NT5DC1: variants seen among roughly 807,000 people sequenced by gnomAD.
NT5DC1 encodes the protein 5'-nucleotidase domain containing 1.
Under a neutral mutation model 59.4 loss-of-function variants are expected in NT5DC1, and 42 were observed. That is an observed-to-expected ratio of 0.71 (90% CI 0.55 to 0.92). NT5DC1 has a LOEUF of 0.92. Ranked by LOEUF, NT5DC1 falls within the 40% of genes least tolerant of loss-of-function variation. The pLI is 0.00. For synonymous variants in NT5DC1, 172 were observed against 188.1 expected, an observed-to-expected ratio of 0.91 and a Z score of 0.70; for missense variants, 501 against 537.1, an observed-to-expected ratio of 0.93 and a Z score of 0.66.
intron 6 of NT5DC1, among the ~76,000 whole-genome samples, chr6:116,127,303 T>C (rs1476377512): frequency 6.6e-6 from 1 of 152,192 alleles, no homozygotes; most frequent in Non-Finnish European, 1.5e-5. Flanking sequence ...AAACAAAGCC[T>C]TGTATAGCCC....
At chr6:116,239,374 A>G (rs182292442) in intron 11 of NT5DC1, among the ~76,000 whole-genome samples, 55 of 152,130 alleles carry the variant, frequency 3.6e-4, no homozygotes, top group African/African-American at 1.3e-3. Context: ...TACCAGGACA[A>G]GCTGCTGAGG....
intron 6 of NT5DC1, among the ~76,000 whole-genome samples, chr6:116,212,583 A>G (rs1048837374): frequency 6.6e-6 from 1 of 152,174 alleles, no homozygotes; most frequent in Non-Finnish European, 1.5e-5. Context: ...AATTAAGGAA[A>G]CAGTGCACTC....
chr6:116,206,045 A>AGGTTCT (rs1291084955), intron 6 of NT5DC1, among the ~76,000 whole-genome samples: 2 of 151,950 alleles, frequency 1.3e-5, no homozygotes, highest in African/African-American at 4.8e-5. Context: ...TCCTGGAAGT[A>AGGTTCT]ACAAAAAGTA....
intron 6 of NT5DC1, chr6:116,121,496 G>T: frequency 6.2e-7 from 1 of 1,614,120 alleles, no homozygotes; most frequent in South Asian, 1.1e-5. Context: ...GGGACCCTGA[G>T]GGCCTGGAAG....
At chr6:116,162,335 G>A (rs1190971619) in intron 6 of NT5DC1, among the ~76,000 whole-genome samples, 2 of 152,164 alleles carry the variant, frequency 1.3e-5, no homozygotes, top group African/African-American at 2.4e-5. Flanking sequence ...TGGTGAAAGT[G>A]CACATCCTTG....
At position 116,244,208 on chromosome 6, in the gene NT5DC1, C is replaced by T; in HGVS notation, c.*184C>T. The T allele has an allele frequency of 2.4e-6, 1 of 422,938 alleles. No homozygotes were observed. The highest frequency in any genetic ancestry group is 4.2e-6 in the Non-Finnish European group (1 of 237,574). 26.2% of individuals were successfully genotyped at this position (422,938 alleles called of 1,614,324 possible). ...AACAACTCTTATTATATTAAAATCTCAGTATCCTAAAACTTAGAACCTTAT... is the reference window on the plus strand; with the variant it reads ...AACAACTCTTATTATATTAAAATCTTAGTATCCTAAAACTTAGAACCTTAT... On this transcript the variant is annotated 3_prime_UTR_variant, in exon 12 of 12. Transcript: ENST00000319550.
At chr6:116,188,118 G>C (rs1026328833) in intron 6 of NT5DC1, among the ~76,000 whole-genome samples, 4 of 152,028 alleles carry the variant, frequency 2.6e-5, no homozygotes, top group Non-Finnish European at 5.9e-5. Context: ...ACAGTCATGA[G>C]AGTGCTAATT....
At chr6:116,204,213 G>A (rs1781401369) in intron 6 of NT5DC1, among the ~76,000 whole-genome samples, 1 of 151,872 alleles carries the variant, frequency 6.6e-6, no homozygotes, top group East Asian at 1.9e-4. Flanking sequence ...CTCTCAGAGT[G>A]TGTTTGTTGA....
chr6:116,108,552 C>T, intron 3 of NT5DC1, 117 bp downstream of exon 3: 1 of 668,380 alleles, frequency 1.5e-6, no homozygotes, highest in Non-Finnish European at 2.7e-6. Context: ...AATCAGATGA[C>T]AGATTGTCTG....
intron 6 of NT5DC1, among the ~76,000 whole-genome samples, chr6:116,118,247 G>A (rs1408074830): frequency 6.6e-6 from 1 of 152,124 alleles, no homozygotes; most frequent in African/African-American, 2.4e-5. Flanking sequence ...CATGGCCTGG[G>A]CATAAGGGTT....
intron 4 of NT5DC1, 107 bp downstream of exon 4, chr6:116,111,063 T>C (rs190211455): frequency 3.0e-4 from 219 of 725,468 alleles, no homozygotes; most frequent in Non-Finnish European, 4.6e-4. Context: ...CTGGGCAGGA[T>C]GCCAAAGGGA....
chr6:116,212,152 A>G (rs972589477), intron 6 of NT5DC1, among the ~76,000 whole-genome samples: 7 of 152,116 alleles, frequency 4.6e-5, no homozygotes, highest in Admixed American at 1.3e-4. Flanking sequence ...CTCTGTCAAA[A>G]CAATTATCAG....
chr6:116,246,580 C>G lies in NT5DC1; in HGVS notation c.*2556C>G, dbSNP rs1417364151. On this transcript the variant is annotated 3_prime_UTR_variant, in exon 12 of 12. Transcript: ENST00000319550. ...CATAAAATGGAAAATCAAACTGCCT[C>G]TCTAGATATAATAACCTTCACTGAC... is the stretch of plus-strand genomic sequence containing the variant. 2.0e-5 allele frequency: 3 copies of G among 151,998 alleles called. No homozygotes were observed. Among genetic ancestry groups the G allele is most frequent in the Non-Finnish European group, 4.4e-5 (3 of 67,962 alleles). The allele number at this position is 151,998 out of a possible 1,614,324, so 9.4% of individuals were successfully genotyped here.
At chr6:116,214,911 T>G (rs1353385683) in intron 6 of NT5DC1, among the ~76,000 whole-genome samples, 1 of 152,104 alleles carries the variant, frequency 6.6e-6, no homozygotes, top group Non-Finnish European at 1.5e-5. Flanking sequence ...AGCTGCCTGT[T>G]TCACAGGTTT....
At chr6:116,156,334 C>T (rs140140740) in intron 6 of NT5DC1, among the ~76,000 whole-genome samples, 1 of 152,146 alleles carries the variant, frequency 6.6e-6, no homozygotes, top group African/African-American at 2.4e-5. Context: ...GGTTGTAGAT[C>T]TCATTCAACT....
intron 6 of NT5DC1, among the ~76,000 whole-genome samples, chr6:116,167,315 C>T (rs1034194666): frequency 1.4e-4 from 21 of 149,118 alleles, no homozygotes; most frequent in Admixed American, 1.3e-3. Context: ...CAGGTTCCAG[C>T]GATTCTCCTG....
chr6:116,140,125 T>C (rs1031512890), intron 6 of NT5DC1, among the ~76,000 whole-genome samples: 9 of 152,324 alleles, frequency 5.9e-5, no homozygotes, highest in Admixed American at 3.3e-4. Context: ...GCCGCCCTCC[T>C]ATGGACACCA....
chr6:116,220,383 G>A (rs1404679264), intron 6 of NT5DC1, among the ~76,000 whole-genome samples: 1 of 152,090 alleles, frequency 6.6e-6, no homozygotes, highest in African/African-American at 2.4e-5. Flanking sequence ...CTGGAGCTCA[G>A]CCAGACCCCG....
At chr6:116,210,040 G>GTGGCTAC (rs1432432812) in intron 6 of NT5DC1, among the ~76,000 whole-genome samples, 11 of 151,928 alleles carry the variant, frequency 7.2e-5, no homozygotes, top group Non-Finnish European at 1.5e-4. Context: ...AAAATATGTG[G>GTGGCTAC]TGGCTACTTA....
Sources: gnomAD v4.1 joint callset for allele counts (sites outside exome capture counted in the v4.1 genomes callset) on GRCh38, gnomAD v4.1.1 for gene constraint, MANE v1.5 for transcripts, NCBI Gene and HGNC (gene_info 2026-07-23, HGNC 2026-07-21) for gene names.